Variants in SDK1 observed in about 807,000 individuals in gnomAD.
SDK1 encodes the protein protein sidekick-1.
In SDK1, 157 loss-of-function variants were observed where a neutral mutation model predicts 245.5. That is an observed-to-expected ratio of 0.64 (90% CI 0.56 to 0.73). The LOEUF (loss-of-function observed/expected upper bound fraction) is 0.73. Ranked by LOEUF, SDK1 falls within the 30% of genes least tolerant of loss-of-function variation. The pLI, the probability that SDK1 is intolerant of heterozygous loss-of-function variation, is 0.00. For missense variants in SDK1, 3,583 were observed against 3,002.3 expected (o/e 1.19, Z -4.52); for synonymous variants, 1,647 against 1,278.5 (o/e 1.29, Z -6.15).
intron 5 of SDK1, among the ~76,000 whole-genome samples, chr7:3,861,345 C>T (rs998321721): frequency 2.6e-5 from 4 of 152,180 alleles, no homozygotes; most frequent in African/African-American, 9.7e-5. Flanking sequence ...AAGCAAAATT[C>T]GCTTGTAGTT....
intron 4 of SDK1, among the ~76,000 whole-genome samples, chr7:3,744,094 T>C (rs1280195606): frequency 3.9e-5 from 6 of 152,152 alleles, no homozygotes; most frequent in Admixed American, 2.0e-4. Flanking sequence ...AGTTTGTTCC[T>C]GCCTCAGGAT....
chr7:3,520,472 C>G (rs1268719893), intron 1 of SDK1, among the ~76,000 whole-genome samples: 3 of 152,140 alleles, frequency 2.0e-5, no homozygotes, highest in African/African-American at 7.2e-5. Flanking sequence ...GTGGTGCAGA[C>G]TACACCCTGA....
chr7:4,112,527 C>T (rs1020766507), intron 23 of SDK1, among the ~76,000 whole-genome samples: 1 of 152,156 alleles, frequency 6.6e-6, no homozygotes, highest in Non-Finnish European at 1.5e-5. Flanking sequence ...TTCAAAACTG[C>T]CCTTTGGTAG....
intron 1 of SDK1, among the ~76,000 whole-genome samples, chr7:3,419,456 G>A (rs907553231): frequency 1.3e-5 from 2 of 152,090 alleles, no homozygotes; most frequent in Non-Finnish European, 2.9e-5. Context: ...TGAGTGTCTC[G>A]GGGAAACATC....
chr7:3,471,834 C>G (rs190649465), intron 1 of SDK1, among the ~76,000 whole-genome samples: 1 of 152,160 alleles, frequency 6.6e-6, no homozygotes, highest in Non-Finnish European at 1.5e-5. Flanking sequence ...TTAAAACACT[C>G]TTTGGGACTT....
chr7:4,141,445 TAA>T (rs1425993318), intron 28 of SDK1, among the ~76,000 whole-genome samples: 4 of 152,304 alleles, frequency 2.6e-5, no homozygotes, highest in Middle Eastern at 3.4e-3. Context: ...GGTGAAACAG[TAA>T]AGATTAAACA....
At chr7:3,933,070 G>T (rs892684194) in intron 5 of SDK1, among the ~76,000 whole-genome samples, 1 of 149,724 alleles carries the variant, frequency 6.7e-6, no homozygotes, top group African/African-American at 2.5e-5. Context: ...GATGAGGGTA[G>T]CACAAATCCT....
At chr7:4,017,467 C>T (rs150179656) in intron 17 of SDK1, 115 bp downstream of exon 17, 19 of 848,640 alleles carry the variant, frequency 2.2e-5, no homozygotes, top group Middle Eastern at 3.3e-4. Flanking sequence ...CCCTAGGGAG[C>T]GTTTACAAGA....
chr7:3,944,210 T>G (rs1780485394), intron 5 of SDK1, among the ~76,000 whole-genome samples: 1 of 152,240 alleles, frequency 6.6e-6, no homozygotes, highest in African/African-American at 2.4e-5. Context: ...CTCTATCACT[T>G]GAAACCATGT....
intron 1 of SDK1, among the ~76,000 whole-genome samples, chr7:3,565,089 T>C (rs1779868087): frequency 6.6e-6 from 1 of 151,802 alleles, no homozygotes; most frequent in African/African-American, 2.4e-5. Context: ...AAGTTGCTAC[T>C]ACTGTCACTT....
chr7:3,423,861 G>GT (rs1220320188), intron 1 of SDK1, among the ~76,000 whole-genome samples: 1 of 151,334 alleles, frequency 6.6e-6, no homozygotes, highest in Non-Finnish European at 1.5e-5. Context: ...CAAACCATTT[G>GT]TTTTTTCCTC....
At chr7:4,233,967 C>A (rs909262632) in intron 41 of SDK1, among the ~76,000 whole-genome samples, 1 of 152,188 alleles carries the variant, frequency 6.6e-6, no homozygotes, top group Admixed American at 6.5e-5. Flanking sequence ...CACGTGGTGT[C>A]CCCTCCGCAA....
At chr7:3,430,833 G>C (rs531243071) in intron 1 of SDK1, among the ~76,000 whole-genome samples, 2 of 152,316 alleles carry the variant, frequency 1.3e-5, no homozygotes, top group East Asian at 3.9e-4. Context: ...GATGGGGGCT[G>C]CCTGCAGAGC....
chr7:4,209,048 G>T (rs142773921), intron 37 of SDK1, among the ~76,000 whole-genome samples: 1 of 152,180 alleles, frequency 6.6e-6, no homozygotes. Context: ...CATTCCATGG[G>T]TTCAGCTGAC....
In SDK1 at chr7:4,204,216, A is replaced by G. The variant is rs189392507; in HGVS notation, c.5099-1663A>G. On this transcript the variant is annotated intron_variant, in intron 35 of 44. Transcript: ENST00000404826. ...TGCAATGGAGTTGCCGATGGCAAAC[A>G]TGCAAAAGACATTAACTTTATTTAT... Among the ~76,000 whole-genome samples, 3 of 152,384 alleles carry G rather than the reference A, an allele frequency of 2.0e-5. No homozygotes were observed. The East Asian group carries it at 5.8e-4, about 29-fold the overall frequency.
chr7:3,971,310 C>T (rs1426711350), intron 11 of SDK1, among the ~76,000 whole-genome samples, 156 bp from the exon 12 acceptor site: 1 of 152,156 alleles, frequency 6.6e-6, no homozygotes, highest in Non-Finnish European at 1.5e-5. Flanking sequence ...TTTAACTCCC[C>T]TAGCATTTCT....
rs140471629 is a variant in SDK1 at position 3,869,116 on chromosome 7, AAC to A, written c.847+47535_847+47536del. On this transcript the variant is annotated intron_variant, in intron 5 of 44. Coordinates refer to ENST00000404826, the MANE Select transcript of SDK1 (RefSeq NM_152744.4). The stretch of plus-strand genomic sequence containing the variant: ...TTTTTCCCCCAAAAAAGAGGAAACT[AAC>A]AGTGTGCTTTTTGGCACAGTTGTAT... Among the ~76,000 whole-genome samples the A allele has an allele frequency of 8.6e-3, 1,310 of 151,662 alleles. 20 individuals are homozygous for A. Among genetic ancestry groups the A allele is most frequent in the African/African-American group, 0.03 (1,231 of 41,280 alleles).
At position 4,139,521 on chromosome 7, in the gene SDK1, GTGTATGTGTGTGTGTA is replaced by G. The variant is rs1306254701; in HGVS notation, c.4229-6199_4229-6184del. ...TGTGTGTGTATATGTATATATGTGTGTGTATGTGTGTGTGTATATATGTGTGTGTATATGTATATAT... is the reference window on the plus strand; with the variant it reads ...TGTGTGTGTATATGTATATATGTGTGTATATGTGTGTGTATATGTATATAT... On this transcript the variant is annotated intron_variant, in intron 28 of 44. Transcript: ENST00000404826. Among the ~76,000 whole-genome samples, 3 of 28,338 alleles carry G rather than the reference GTGTATGTGTGTGTGTA, an allele frequency of 1.1e-4. 1 individual carries two copies. Among genetic ancestry groups the G allele is most frequent in the Non-Finnish European group, 2.2e-4 (3 of 13,918 alleles). The allele number at this position is 28,338 out of a possible 152,430, so 18.6% of individuals were successfully genotyped here. A position where few individuals can be genotyped will look rare whatever the true frequency, so the allele number is the denominator to read the frequency against.
intron 1 of SDK1, chr7:3,338,406 A>C (rs1780258943): frequency 1.9e-6 from 1 of 532,488 alleles, no homozygotes; most frequent in Non-Finnish European, 3.6e-6. Context: ...TGTTGAGCAC[A>C]TTAAGCACTC....
Sources: allele counts gnomAD v4.1 joint callset (sites outside exome capture counted in the v4.1 genomes callset), GRCh38; gene constraint gnomAD v4.1.1; transcripts MANE v1.5; gene names NCBI Gene and HGNC (gene_info 2026-07-23, HGNC 2026-07-21).